The following GNA13 variants were observed in gnomAD, a reference collection of about 807,000 sequenced individuals.
GNA13 encodes the protein G protein subunit alpha 13.
In GNA13, 4 loss-of-function variants were observed where a neutral mutation model predicts 33.5. The ratio of observed to expected loss-of-function variants is 0.12; its 90% CI spans 0.06 to 0.27. GNA13 has a LOEUF of 0.27. GNA13 is among the 10% of genes least tolerant of loss of function. GNA13 has a pLI of 1.00. For synonymous variants in GNA13, 176 were observed against 183.8 expected (o/e 0.96, Z 0.34); for missense variants, 319 against 487.2 (o/e 0.65, Z 3.25).
At chr17:65,026,421 CTTAGAT>C (rs940504131) in intron 2 of GNA13, among the ~76,000 whole-genome samples, 21 of 152,294 alleles carry the variant, frequency 1.4e-4, no homozygotes, top group Non-Finnish European at 2.6e-4. Context: ...TACTCTATGG[CTTAGAT>C]GTAAGACTTT....
chr17:65,014,203 A>C lies in GNA13; in HGVS notation c.*54T>G. 1 of 1,072,212 alleles carries C rather than the reference A, an allele frequency of 9.3e-7. No individual in the cohort carries two copies. Among genetic ancestry groups the C allele is most frequent in the East Asian group, 2.4e-5 (1 of 42,092 alleles). The allele number at this position is 1,072,212 out of a possible 1,614,324, so 66.4% of individuals were successfully genotyped here. A position where few individuals can be genotyped will look rare whatever the true frequency, so the allele number is the denominator to read the frequency against. The stretch of plus-strand genomic sequence containing the variant: ...AACTGCTATTTTAAAAAACAAAACA[A>C]ACAGAAAACATCAAAAACACAAAAA... On this transcript the variant is annotated 3_prime_UTR_variant, in exon 4 of 4. Coordinates refer to ENST00000439174, the MANE Select transcript of GNA13 (RefSeq NM_006572.6). This position sits in a 1 kb window ranked among gnomAD's most constrained non-coding sequence, Gnocchi z 5.3.
chr17:65,018,607 T>C (rs539604390), intron 2 of GNA13, among the ~76,000 whole-genome samples: 1 of 152,324 alleles, frequency 6.6e-6, no homozygotes, highest in East Asian at 1.9e-4. Flanking sequence ...TGAAGACATA[T>C]AATTAGAAGA....
At position 65,014,727 on chromosome 17, in the gene GNA13, C is replaced by A; in HGVS notation, c.664G>T (p.Asp222Tyr). The change falls in exon 4 of 4, where the codon GAT becomes TAT. Residue 222 changes from aspartate to tyrosine, a missense_variant. Transcript: ENST00000439174. This position sits in a 1 kb window ranked among gnomAD's most constrained non-coding sequence, Gnocchi z 5.3. ...CTTTCTGATCTCTGACCACCTACAT[C>A]AACCATTTTGAAAGGAACATTTTTT... ...EIKNVPFKMV[D>Y]VGGQRSERKR... 6.2e-7 allele frequency: 1 copy of A among 1,613,864 alleles called. No homozygotes were observed. The highest frequency in any genetic ancestry group is 8.5e-7 in the Non-Finnish European group (1 of 1,179,768).
Position 65,010,115 on chromosome 17 carries a change from T to C in GNA13, c.*4142A>G, listed in dbSNP as rs531036304. 5.2e-5 allele frequency among the ~76,000 whole-genome samples: 8 copies of C among 152,382 alleles called. No individual in the cohort carries two copies. Among genetic ancestry groups the C allele is most frequent in the African/African-American group, 9.6e-5 (4 of 41,596 alleles). On this transcript the variant is annotated 3_prime_UTR_variant, in exon 4 of 4. Coordinates refer to ENST00000439174, the MANE Select transcript of GNA13 (RefSeq NM_006572.6). ...TTCAAAACAATGTTCATATAAGCTC[T>C]CGCATTTGAAACCAGATGGTAAGAC...
intron 2 of GNA13, among the ~76,000 whole-genome samples, chr17:65,038,979 G>A (rs2143810001): frequency 6.6e-6 from 1 of 152,218 alleles, no homozygotes; most frequent in East Asian, 1.9e-4. Context: ...CCACCATAAA[G>A]TAAAAAAATC....
rs71158360 is a variant in GNA13, at chr17:65,037,778, G to GAA, written c.510+15722_510+15723dup. Among the ~76,000 whole-genome samples the GAA allele has an allele frequency of 2.0e-3, 194 of 99,150 alleles. 4 individuals are homozygous for GAA. Among genetic ancestry groups the GAA allele is most frequent in the African/African-American group, 7.3e-3 (189 of 25,882 alleles). 65.0% of individuals were successfully genotyped at this position (99,150 alleles called of 152,430 possible). A position where few individuals can be genotyped will look rare whatever the true frequency, so the allele number is the denominator to read the frequency against. ...GAGAGACCCAGCCTCTACAAAAATG[G>GAA]AAAAAAAAAAAAAAAAAAAAAAGAC... On this transcript the variant is annotated intron_variant, in intron 2 of 3. Transcript: ENST00000439174.
chr17:65,012,378 T>C lies in GNA13; in HGVS notation c.*1879A>G, dbSNP rs888942915. 4 of 222,502 alleles carry C rather than the reference T, an allele frequency of 1.8e-5. No homozygotes were observed. Among genetic ancestry groups the C allele is most frequent in the Non-Finnish European group, 2.7e-5 (3 of 111,452 alleles). 13.8% of individuals were successfully genotyped at this position (222,502 alleles called of 1,614,324 possible). On this transcript the variant is annotated 3_prime_UTR_variant, in exon 4 of 4. Transcript: ENST00000439174. Reference sequence around the variant, plus strand: ...CCGATATTCATTAGCACTGCAATTATGCTAATTTTGTGAATTTAAACAATG... The same window carrying C: ...CCGATATTCATTAGCACTGCAATTACGCTAATTTTGTGAATTTAAACAATG...
intron 2 of GNA13, chr17:65,051,957 AT>A (rs1245466521): frequency 6.6e-6 from 1 of 152,260 alleles, no homozygotes; most frequent in Non-Finnish European, 1.5e-5. Flanking sequence ...AAAAGCCATA[AT>A]TCAGATATAG....
chr17:65,041,964 T>C (rs1907469411), intron 2 of GNA13, among the ~76,000 whole-genome samples: 1 of 152,234 alleles, frequency 6.6e-6, no homozygotes, highest in Non-Finnish European at 1.5e-5. Flanking sequence ...TCTTTAGAGT[T>C]GTAAGTTTTT....
At position 65,043,975 on chromosome 17, in the gene GNA13, AG is replaced by A. The variant is rs769824336; in HGVS notation, c.510+9526del. ...CATTTCTGAAAATAACAAAAAAACT[AG>A]CCGGGTGTGGTAGTATGAGCCAGTA... On this transcript the variant is annotated intron_variant, in intron 2 of 3. Coordinates refer to ENST00000439174, the MANE Select transcript of GNA13 (RefSeq NM_006572.6). Among the ~76,000 whole-genome samples, 13 of 152,196 alleles carry A rather than the reference AG, an allele frequency of 8.5e-5. No individual in the cohort carries two copies. The East Asian group carries it at 2.1e-3, about 25-fold the overall frequency.
intron 2 of GNA13, among the ~76,000 whole-genome samples, chr17:65,038,497 C>A (rs1440147162): frequency 6.6e-6 from 1 of 152,170 alleles, no homozygotes; most frequent in Non-Finnish European, 1.5e-5. Flanking sequence ...ACTGCAGCCT[C>A]AACCTCCTGG....
intron 2 of GNA13, among the ~76,000 whole-genome samples, chr17:65,031,702 A>G (rs1407047156): frequency 1.3e-5 from 2 of 152,190 alleles, no homozygotes; most frequent in Non-Finnish European, 2.9e-5. Flanking sequence ...CATTAAGCAT[A>G]TGCTTGGGGA....
At chr17:65,034,317 A>T (rs1050084518) in intron 2 of GNA13, among the ~76,000 whole-genome samples, 9 of 151,964 alleles carry the variant, frequency 5.9e-5, no homozygotes, top group African/African-American at 1.9e-4. Context: ...AAATTAATAA[A>T]TTCCTCTTTA....
At chr17:65,042,142 T>C (rs912250164) in intron 2 of GNA13, among the ~76,000 whole-genome samples, 2 of 152,064 alleles carry the variant, frequency 1.3e-5, no homozygotes, top group African/African-American at 4.8e-5. Flanking sequence ...GTGGGTCACC[T>C]GAGGTCAGGA....
intron 2 of GNA13, among the ~76,000 whole-genome samples, chr17:65,042,784 A>G (rs1907508246): frequency 6.6e-6 from 1 of 152,196 alleles, no homozygotes; most frequent in Admixed American, 6.5e-5. Context: ...TCTCTCTTCA[A>G]CATGTGGTCC....
Position 65,019,089 on chromosome 17 carries a change from C to G in GNA13, c.511-786G>C, listed in dbSNP as rs182022657. On this transcript the variant is annotated intron_variant, in intron 2 of 3. Transcript: ENST00000439174. ...GCAGCATTGTCCCTGCCTGAAGCTACTTCCAAGTGTTCCTGAAGCAGCACC... is the reference window on the plus strand; with the variant it reads ...GCAGCATTGTCCCTGCCTGAAGCTAGTTCCAAGTGTTCCTGAAGCAGCACC... Among the ~76,000 whole-genome samples, 20 of 152,258 alleles carry G rather than the reference C, an allele frequency of 1.3e-4. No homozygotes were observed. In the East Asian group the frequency reaches 3.9e-3, roughly 29 times the overall value.
chr17:65,055,589 C>A, intron 1 of GNA13: 1 of 985,138 alleles, frequency 1.0e-6, no homozygotes, highest in Non-Finnish European at 1.2e-6. Flanking sequence ...CGCAAACATC[C>A]TACCTGACCG....
intron 2 of GNA13, among the ~76,000 whole-genome samples, chr17:65,033,205 C>G (rs1204760072): frequency 6.6e-6 from 1 of 151,824 alleles, no homozygotes; most frequent in African/African-American, 2.4e-5. Flanking sequence ...CATAGTTAGG[C>G]TGGACACACT....
rs1186465115 is a variant in GNA13 at position 65,011,558 on chromosome 17, T to C, written c.*2699A>G. On this transcript the variant is annotated 3_prime_UTR_variant, in exon 4 of 4. Coordinates refer to ENST00000439174, the MANE Select transcript of GNA13 (RefSeq NM_006572.6). The stretch of plus-strand genomic sequence containing the variant: ...CTCTATAAAAGTTATGGTCTAAATT[T>C]ATGTTGTTTTATAAGGCAACTGTAT... 4.8e-6 allele frequency: 1 copy of C among 207,158 alleles called. No individual in the cohort carries two copies. The highest frequency in any genetic ancestry group is 9.9e-6 in the Non-Finnish European group (1 of 101,410). 12.8% of individuals were successfully genotyped at this position (207,158 alleles called of 1,614,324 possible).
Sources: gnomAD v4.1 joint callset for allele counts (sites outside exome capture counted in the v4.1 genomes callset) on GRCh38, gnomAD v4.1.1 for gene constraint, Gnocchi (gnomAD v3.1) non-coding constraint, MANE v1.5 for transcripts, NCBI Gene and HGNC (gene_info 2026-07-23, HGNC 2026-07-21) for gene names.